DRC1: variants seen among roughly 807,000 people sequenced by gnomAD.
DRC1 encodes the protein dynein regulatory complex protein 1.
A neutral mutation model predicts 98.7 loss-of-function variants in DRC1; 74 were observed. The ratio of observed to expected loss-of-function variants is 0.75; its 90% confidence interval spans 0.62 to 0.91. DRC1 has a LOEUF of 0.91. Ranked by LOEUF, DRC1 falls within the 40% of genes least tolerant of loss-of-function variation. The probability of loss-of-function intolerance (pLI) is 0.00; values close to 1 mark genes in which losing one functional copy is unlikely to be tolerated. For synonymous variants in DRC1, 336 were observed against 334.1 expected, an observed-to-expected ratio of 1.01 and a Z score of -0.06; for missense variants, 875 against 886.0, an observed-to-expected ratio of 0.99 and a Z score of 0.16.
At chr2:26,439,170 C>A (rs529255656) in intron 7 of DRC1, among the ~76,000 whole-genome samples, 2 of 152,116 alleles carry the variant, frequency 1.3e-5, no homozygotes, top group Admixed American at 6.5e-5. Context: ...GCACCCACCC[C>A]CCTTGCCTCA....
rs115850291 is a variant in DRC1, at chr2:26,424,146, G to A, written c.357-125G>A. 0.014 allele frequency: 14,341 copies of A among 1,056,428 alleles called. 127 individuals carry two copies. Among genetic ancestry groups the A allele is most frequent in the Non-Finnish European group, 0.015 (11,141 of 719,534 alleles). The allele number at this position is 1,056,428 out of a possible 1,614,324, so 65.4% of individuals were successfully genotyped here. On this transcript the variant is annotated intron_variant, in intron 3 of 16. Transcript: ENST00000288710. ...CTCAGCATTGAGTTTGATTTTGGGCGGGTGTGTTTGGGCAGTGCCTAGTAC... is the reference window on the plus strand; with the variant it reads ...CTCAGCATTGAGTTTGATTTTGGGCAGGTGTGTTTGGGCAGTGCCTAGTAC...
intron 12 of DRC1, 147 bp downstream of exon 12, chr2:26,450,232 C>T: frequency 2.8e-6 from 2 of 716,262 alleles, no homozygotes; most frequent in African/African-American, 1.8e-5. Flanking sequence ...TTAACCTACT[C>T]TCCACACAAC....
intron 1 of DRC1, among the ~76,000 whole-genome samples, chr2:26,404,245 A>T (rs572506872): frequency 1.3e-5 from 2 of 152,316 alleles, no homozygotes; most frequent in East Asian, 3.9e-4. Flanking sequence ...GATGTCCCTG[A>T]TATATTCAGA....
At chr2:26,410,797 C>T (rs568643348) in intron 1 of DRC1, among the ~76,000 whole-genome samples, 6 of 151,862 alleles carry the variant, frequency 4.0e-5, no homozygotes, top group Admixed American at 6.6e-5. Context: ...AAAGGGCCTA[C>T]GAGCTTCCAG....
chr2:26,453,469 C>G lies in DRC1; in HGVS notation c.1839C>G (p.Thr613=). ...VEGEKEEEEE[T]PPSPWVIHPN... ...GGGAGAAGGAGGAAGAGGAGGAGAC[C>G]CCACCCTCCCCCTGGGTCATCCACC... is the stretch of plus-strand genomic sequence containing the variant. The change falls in exon 14 of 17, where the codon ACC becomes ACG. Residue 613 remains threonine (T), a synonymous_variant. Coordinates refer to ENST00000288710, the MANE Select transcript of DRC1 (RefSeq NM_145038.5). 6.2e-7 allele frequency: 1 copy of G among 1,613,936 alleles called. No homozygotes were observed. The highest frequency in any genetic ancestry group is 1.1e-5 in the South Asian group (1 of 91,062).
At chr2:26,415,300 G>A (rs1402806246) in intron 2 of DRC1, among the ~76,000 whole-genome samples, 2 of 152,188 alleles carry the variant, frequency 1.3e-5, no homozygotes, top group Admixed American at 6.5e-5. Flanking sequence ...TGGTGATACC[G>A]TGTGAACTCA....
chr2:26,413,396 C>T (rs932719675), intron 1 of DRC1, among the ~76,000 whole-genome samples: 7 of 152,160 alleles, frequency 4.6e-5, no homozygotes, highest in African/African-American at 1.4e-4. Context: ...AGGGAAGGCA[C>T]ATTTAAGCTT....
Position 26,450,042 on chromosome 2 carries a change from A to G in DRC1, c.1556A>G (p.Glu519Gly). 6.8e-6 allele frequency: 11 copies of G among 1,613,752 alleles called. No homozygotes were observed. The highest frequency in any genetic ancestry group is 9.3e-6 in the Non-Finnish European group (11 of 1,179,942). Residue 519 changes from glutamate (E) to glycine (G), a missense_variant, in exon 12 of 17, where the codon GAG becomes GGG. Coordinates refer to ENST00000288710, the MANE Select transcript of DRC1 (RefSeq NM_145038.5). The part of the protein sequence containing the change: ...SKLLSLLLPL[E>G]QNECYLLRLD... ...CTGCTGAGCCTTCTCCTGCCCCTGG[A>G]GCAGAATGAATGCTATCTGCTGAGG...
chr2:26,407,406 A>G (rs536445748), intron 1 of DRC1, among the ~76,000 whole-genome samples: 37 of 152,256 alleles, frequency 2.4e-4, no homozygotes, highest in African/African-American at 8.9e-4. Context: ...CCCAAAGACT[A>G]GGAGACTGAT....
Position 26,444,796 on chromosome 2 carries a change from G to A in DRC1, c.1244G>A (p.Arg415Lys), listed in dbSNP as rs372089434. 4 of 1,614,114 alleles carry A rather than the reference G, an allele frequency of 2.5e-6. No individual in the cohort carries two copies. Among genetic ancestry groups the A allele is most frequent in the Non-Finnish European group, 3.4e-6 (4 of 1,180,054 alleles). The stretch of plus-strand genomic sequence containing the variant: ...GAGGAGGCGAAGGACCTAATAGCCA[G>A]AGCCTTTGATGTGGACAGGATCATC... ...NEEEAKDLIA[R>K]AFDVDRIIHT... The change falls in exon 10 of 17, where the codon AGA becomes AAA. Residue 415 changes from arginine (R) to lysine (K), a missense_variant. By Grantham distance (26) the Arg-to-Lys change is conservative. Coordinates refer to ENST00000288710, the MANE Select transcript of DRC1 (RefSeq NM_145038.5).
chr2:26,450,446 C>T (rs1663971988), intron 12 of DRC1, 146 bp from the exon 13 acceptor site: 9 of 691,806 alleles, frequency 1.3e-5, no homozygotes, highest in South Asian at 1.1e-4. Context: ...TGTGTGTGTC[C>T]CCAAGTTCAC....
chr2:26,441,593 G>A (rs945876307), intron 8 of DRC1, among the ~76,000 whole-genome samples: 1 of 152,156 alleles, frequency 6.6e-6, no homozygotes, highest in East Asian at 1.9e-4. Flanking sequence ...AGGGGGTGGG[G>A]ACATGAATTG....
At chr2:26,438,087 CAAAAAAAAAAAA>C (rs61571007) in intron 7 of DRC1, among the ~76,000 whole-genome samples, 1 of 50,096 alleles carries the variant, frequency 2.0e-5, no homozygotes, top group African/African-American at 5.5e-5. Flanking sequence ...GACTCTATCT[CAAAAAAAAAAAA>C]AAAAAAAAAA....
At chr2:26,402,749 G>A (rs1317090131) in intron 1 of DRC1, among the ~76,000 whole-genome samples, 1 of 152,196 alleles carries the variant, frequency 6.6e-6, no homozygotes, top group Non-Finnish European at 1.5e-5. Flanking sequence ...AAACTTGAAT[G>A]ACATGGCAGT....
In DRC1 at chr2:26,412,342, T is replaced by G. The variant is rs564434678; in HGVS notation, c.156-2002T>G. ...GAGATCGCGCCATTGCACTCCAGCC[T>G]GGGCAACAAGAGCGAAACTCCGTCT... is the stretch of plus-strand genomic sequence containing the variant. On this transcript the variant is annotated intron_variant, in intron 1 of 16. Coordinates refer to ENST00000288710, the MANE Select transcript of DRC1 (RefSeq NM_145038.5). 8.5e-5 allele frequency among the ~76,000 whole-genome samples: 13 copies of G among 152,290 alleles called. No homozygotes were observed. In the South Asian group the frequency reaches 2.7e-3, roughly 32 times the overall value.
chr2:26,436,668 G>A (rs543791207), intron 7 of DRC1, among the ~76,000 whole-genome samples: 1 of 152,224 alleles, frequency 6.6e-6, no homozygotes, highest in East Asian at 1.9e-4. Flanking sequence ...ATTCACATGA[G>A]CATGCATATG....
Position 26,444,886 on chromosome 2 carries a change from C to T in DRC1, c.1334C>T (p.Pro445Leu), listed in dbSNP as rs1440342812. 1 of 1,614,174 alleles carries T rather than the reference C, an allele frequency of 6.2e-7. No homozygotes were observed. Among genetic ancestry groups the T allele is most frequent in the East Asian group, 2.2e-5 (1 of 44,886 alleles). Residue 445 changes from proline to leucine, a missense_variant, in exon 10 of 17, where the codon CCT (proline) becomes CTT (leucine). Transcript: ENST00000288710. ...PDFWFLNNVG[P>L]ISQQPQKSAT... ...TTCTGGTTCCTGAACAATGTTGGGC[C>T]TATTTCTCAGCAGCCCCAGAAGTCC...
intron 7 of DRC1, among the ~76,000 whole-genome samples, chr2:26,434,619 C>T (rs561385563): frequency 5.1e-4 from 77 of 152,338 alleles, no homozygotes; most frequent in African/African-American, 1.8e-3. Flanking sequence ...CCGCCAGGCA[C>T]GGTGGCTCAT....
rs555994887 is a variant in DRC1 at position 26,439,270 on chromosome 2, C to A, written c.889-1108C>A. Among the ~76,000 whole-genome samples the A allele has an allele frequency of 2.6e-5, 4 of 152,222 alleles. No homozygotes were observed. In the East Asian group the frequency reaches 7.7e-4, roughly 29 times the overall value. ...TTCTCTAGGTCTCAGCTAGACACGC[C>A]GTCTTCCAGGGATCCCTTCCCTGGT... On this transcript the variant is annotated intron_variant, in intron 7 of 16. Transcript: ENST00000288710.
Sources: gnomAD v4.1 joint callset for allele counts (sites outside exome capture counted in the v4.1 genomes callset) on GRCh38, gnomAD v4.1.1 for gene constraint, MANE v1.5 for transcripts, NCBI Gene and HGNC (gene_info 2026-07-23, HGNC 2026-07-21) for gene names.